The following TMEM132E variants were observed in gnomAD, a reference collection of about 807,000 sequenced individuals.
TMEM132E encodes transmembrane protein 132E.
In TMEM132E, 49 loss-of-function variants were observed where a neutral mutation model predicts 78.5. The observed-to-expected ratio is 0.62, with a 90% confidence interval of 0.50 to 0.79. The LOEUF (loss-of-function observed/expected upper bound fraction) is 0.79, where lower values mean the gene tolerates loss of function less well. TMEM132E is among the 30% of genes least tolerant of loss of function. The pLI is 0.00. For missense variants in TMEM132E, 1,403 were observed against 1,470.9 expected (o/e 0.95, Z 0.75); for synonymous variants, 715 against 670.6 (o/e 1.07, Z -1.02).
chr17:34,592,706 G>A (rs1351239867), intron 1 of TMEM132E, among the ~76,000 whole-genome samples: 3 of 152,154 alleles, frequency 2.0e-5, no homozygotes, highest in African/African-American at 2.4e-5. Flanking sequence ...TATGCACTCC[G>A]CCTGACACTG....
chr17:34,629,926 G>A (rs779003527), intron 4 of TMEM132E, 82 bp from the exon 5 acceptor site: 110 of 1,444,976 alleles, frequency 7.6e-5, no homozygotes, highest in South Asian at 2.5e-4. Context: ...GGGGGGGAGC[G>A]TCCAGGAGCT....
chr17:34,615,568 C>T (rs1906754526), intron 1 of TMEM132E, among the ~76,000 whole-genome samples: 1 of 147,682 alleles, frequency 6.8e-6, no homozygotes, highest in Admixed American at 6.8e-5. Context: ...CAACCACCTC[C>T]CAGGGCCATC....
chr17:34,601,909 G>A (rs1906253394), intron 1 of TMEM132E, among the ~76,000 whole-genome samples: 1 of 152,198 alleles, frequency 6.6e-6, no homozygotes, highest in East Asian at 1.9e-4. Flanking sequence ...CCACAGATGA[G>A]CAATTAGGGG....
intron 1 of TMEM132E, among the ~76,000 whole-genome samples, chr17:34,610,914 A>G (rs1338311482): frequency 6.6e-6 from 1 of 152,254 alleles, no homozygotes; most frequent in East Asian, 1.9e-4. Context: ...CAGAACTGTC[A>G]TGGCACTGGT....
chr17:34,631,878 G>A (rs936620946), intron 5 of TMEM132E, among the ~76,000 whole-genome samples: 8 of 152,244 alleles, frequency 5.3e-5, no homozygotes, highest in Non-Finnish European at 8.8e-5. Context: ...GGTGCCAGGT[G>A]TGTGCGTGGG....
rs764818196 is a variant in TMEM132E at position 34,637,232 on chromosome 17, C to T, written c.2225C>T (p.Ser742Phe). 1 of 1,613,432 alleles carries T rather than the reference C, an allele frequency of 6.2e-7. No individual in the cohort carries two copies. The highest frequency in any genetic ancestry group is 2.2e-5 in the East Asian group (1 of 44,874). Reference protein sequence around the residue: ...SYSDGTTAPLSLYSPRDYGLL... With the variant: ...SYSDGTTAPLFLYSPRDYGLL... Reference sequence around the variant, plus strand: ...AGTGATGGCACCACAGCCCCACTCTCCCTCTACAGCCCACGAGACTATGGA... The same window carrying T: ...AGTGATGGCACCACAGCCCCACTCTTCCTCTACAGCCCACGAGACTATGGA... The change falls in exon 9 of 9, where the codon TCC becomes TTC. Residue 742 changes from serine (S) to phenylalanine (F), a missense_variant. Physicochemically the swap from Ser to Phe is radical, Grantham distance 155. This residue lies in a region of TMEM132E where 888 missense variants were observed against 952.8 expected (regional missense o/e 0.93). Transcript: ENST00000631683.
chr17:34,595,699 C>A (rs570774069), intron 1 of TMEM132E, among the ~76,000 whole-genome samples: 1 of 152,170 alleles, frequency 6.6e-6, no homozygotes, highest in African/African-American at 2.4e-5. Flanking sequence ...GGTTAAGACC[C>A]GTGTGCCTGA....
chr17:34,587,733 T>C (rs1905726301), intron 1 of TMEM132E, among the ~76,000 whole-genome samples: 1 of 152,152 alleles, frequency 6.6e-6, no homozygotes, highest in African/African-American at 2.4e-5. Flanking sequence ...TGCACACTCA[T>C]GTGCACACCC....
intron 1 of TMEM132E, among the ~76,000 whole-genome samples, chr17:34,596,752 C>T (rs1906071821): frequency 6.7e-6 from 1 of 150,268 alleles, no homozygotes; most frequent in South Asian, 2.1e-4. Context: ...CAAAGCTGAT[C>T]AGCATAAAAC....
At position 34,621,138 on chromosome 17, in the gene TMEM132E, G is replaced by A. The variant is rs1440371029; in HGVS notation, c.68-4989G>A. Among the ~76,000 whole-genome samples, 5 of 152,214 alleles carry A rather than the reference G, an allele frequency of 3.3e-5. No homozygotes were observed. In the East Asian group the frequency reaches 9.6e-4, roughly 29 times the overall value. ...GTCTCTACATTTTACTGGGGAAACT[G>A]AGGCTCGGAGGGGCAGAAATACCAA... On this transcript the variant is annotated intron_variant, in intron 1 of 8. Transcript: ENST00000631683.
chr17:34,596,645 T>C (rs756727950), intron 1 of TMEM132E, among the ~76,000 whole-genome samples: 1 of 152,062 alleles, frequency 6.6e-6, no homozygotes, highest in Non-Finnish European at 1.5e-5. Flanking sequence ...TTCCTTTTCC[T>C]TGGTCCCTGG....
chr17:34,617,173 T>C (rs536500507), intron 1 of TMEM132E, among the ~76,000 whole-genome samples: 2 of 152,350 alleles, frequency 1.3e-5, no homozygotes, highest in Non-Finnish European at 2.9e-5. Flanking sequence ...TCATGTGGCA[T>C]GCAGAGCAGG....
At chr17:34,601,153 A>G (rs1310150152) in intron 1 of TMEM132E, among the ~76,000 whole-genome samples, 4 of 152,218 alleles carry the variant, frequency 2.6e-5, no homozygotes, top group Admixed American at 2.6e-4. Context: ...CACATCCCCA[A>G]CACCCTCCAT....
At chr17:34,620,712 G>A (rs1172348683) in intron 1 of TMEM132E, among the ~76,000 whole-genome samples, 1 of 152,256 alleles carries the variant, frequency 6.6e-6, no homozygotes, top group Non-Finnish European at 1.5e-5. Context: ...CAGAGTCAGA[G>A]CTGGCCAGAG....
intron 1 of TMEM132E, among the ~76,000 whole-genome samples, chr17:34,621,185 A>C (rs1033605626): frequency 1.3e-5 from 2 of 152,176 alleles, no homozygotes; most frequent in Non-Finnish European, 2.9e-5. Context: ...TCAGTTTGCT[A>C]GGGCTGCCAT....
At chr17:34,612,071 T>C (rs1045704889) in intron 1 of TMEM132E, among the ~76,000 whole-genome samples, 4 of 152,162 alleles carry the variant, frequency 2.6e-5, no homozygotes, top group African/African-American at 9.7e-5. Flanking sequence ...AAGTCACCCC[T>C]GGCAGGTGGC....
At chr17:34,594,276 C>T (rs769163800) in intron 1 of TMEM132E, among the ~76,000 whole-genome samples, 5 of 152,220 alleles carry the variant, frequency 3.3e-5, no homozygotes, top group East Asian at 1.9e-4. Flanking sequence ...CCTACTCCTT[C>T]GCAACTGCTC....
intron 1 of TMEM132E, among the ~76,000 whole-genome samples, chr17:34,609,270 G>C (rs997883742): frequency 1.2e-4 from 19 of 152,180 alleles, no homozygotes; most frequent in African/African-American, 3.9e-4. Flanking sequence ...CTTGGGTAAG[G>C]CCTCAGGAAG....
intron 1 of TMEM132E, among the ~76,000 whole-genome samples, chr17:34,595,204 G>A (rs1326306525): frequency 6.6e-6 from 1 of 152,260 alleles, no homozygotes; most frequent in Non-Finnish European, 1.5e-5. Context: ...ACAGAGCACA[G>A]CCTAGGAGTT....
Sources: gnomAD v4.1 joint callset for allele counts (sites outside exome capture counted in the v4.1 genomes callset) on GRCh38, gnomAD v4.1.1 for gene constraint, gnomAD v4.1.1 regional missense constraint, MANE v1.5 for transcripts, NCBI Gene and HGNC (gene_info 2026-07-23, HGNC 2026-07-21) for gene names.